Variants in DNAH7 observed in about 807,000 individuals in gnomAD.
DNAH7 encodes the protein axonemal beta dynein heavy chain 7.
Under a neutral mutation model 444.6 loss-of-function variants are expected in DNAH7, and 397 were observed. The ratio of observed to expected loss-of-function variants is 0.89; its 90% CI spans 0.82 to 0.97. DNAH7 has a LOEUF of 0.97. Among genes scored for constraint, DNAH7 ranks in the 50% least tolerant of loss-of-function variants. The pLI, the probability that DNAH7 is intolerant of heterozygous loss-of-function variation, is 0.00. For synonymous variants in DNAH7, 1,636 were observed against 1,624.4 expected (o/e 1.01, Z -0.17); for missense variants, 4,902 against 4,800.8 (o/e 1.02, Z -0.62).
At chr2:195,766,951 G>A (rs1445881310) in intron 61 of DNAH7, among the ~76,000 whole-genome samples, 2 of 151,888 alleles carry the variant, frequency 1.3e-5, no homozygotes, top group Non-Finnish European at 2.9e-5. Flanking sequence ...TTAGTTTCTG[G>A]TTACTTCTCT....
At position 195,887,093 on chromosome 2, in the gene DNAH7, T is replaced by C. The variant is rs539691376; in HGVS notation, c.5407-821A>G. Among the ~76,000 whole-genome samples, 30 of 152,246 alleles carry C rather than the reference T, an allele frequency of 2.0e-4. No individual in the cohort carries two copies. The South Asian group carries it at 5.6e-3, about 28-fold the overall frequency. On this transcript the variant is annotated intron_variant, in intron 33 of 64. Coordinates refer to ENST00000312428, the MANE Select transcript of DNAH7 (RefSeq NM_018897.3). The stretch of plus-strand genomic sequence containing the variant: ...TACAAATAAAACAGATACTTATTAC[T>C]ACATAGTAAATAACAGGCATTCCTA...
intron 57 of DNAH7, among the ~76,000 whole-genome samples, chr2:195,792,436 C>CACACAT (rs1553519819): frequency 2.2e-5 from 3 of 135,242 alleles, no homozygotes; most frequent in Non-Finnish European, 4.8e-5. Context: ...CACACACACA[C>CACACAT]ATTAAAAAAA....
At chr2:195,834,102 T>C in intron 48 of DNAH7, 104 bp downstream of exon 48, 1 of 1,177,940 alleles carries the variant, frequency 8.5e-7, no homozygotes, top group Non-Finnish European at 1.2e-6. Flanking sequence ...AGCTACTTGG[T>C]AGGCTGAGGT....
rs1051370528 is a variant in DNAH7 at position 196,068,827 on chromosome 2, C to T, written c.-116G>A. The stretch of plus-strand genomic sequence containing the variant: ...GCAGCGGTCTCAGCTCCCTCCGCAC[C>T]AGAGCCGTCTAGCGTCCGGGCAGCG... On this transcript the variant is annotated 5_prime_UTR_variant, in exon 1 of 65. Coordinates refer to ENST00000312428, the MANE Select transcript of DNAH7 (RefSeq NM_018897.3). 6.6e-6 allele frequency: 9 copies of T among 1,353,766 alleles called. No individual in the cohort carries two copies. Among genetic ancestry groups the T allele is most frequent in the Non-Finnish European group, 9.1e-6 (9 of 992,668 alleles). 83.9% of individuals were successfully genotyped at this position (1,353,766 alleles called of 1,614,324 possible).
At chr2:195,752,720 C>G (rs540083677) in intron 63 of DNAH7, among the ~76,000 whole-genome samples, 3 of 152,062 alleles carry the variant, frequency 2.0e-5, no homozygotes, top group South Asian at 4.2e-4. Flanking sequence ...GTACTGGAAA[C>G]AAAGAGAGAA....
At position 195,864,543 on chromosome 2, in the gene DNAH7, T is replaced by A. The variant is rs372659923; in HGVS notation, c.7112A>T (p.Tyr2371Phe). 95 of 1,614,066 alleles carry A rather than the reference T, an allele frequency of 5.9e-5. No homozygotes were observed. Among genetic ancestry groups the A allele is most frequent in the Non-Finnish European group, 8.0e-5 (94 of 1,180,044 alleles). The stretch of plus-strand genomic sequence containing the variant: ...ATCTTCATGCCATTCAGTAGTATCA[T>A]ACCCCTTAGAGATTTCAACTTGGAA... ...SVFQVEISKGYDTTEWHEDLK... is the reference protein window; with the variant it reads ...SVFQVEISKGFDTTEWHEDLK... Residue 2371 changes from tyrosine to phenylalanine, a missense_variant, in exon 41 of 65, where the codon TAT becomes TTT. Coordinates refer to ENST00000312428, the MANE Select transcript of DNAH7 (RefSeq NM_018897.3).
chr2:195,910,000 GTA>G (rs1347593367), intron 25 of DNAH7, 25 bp downstream of exon 25: 1 of 1,594,908 alleles, frequency 6.3e-7, no homozygotes, highest in Non-Finnish European at 8.6e-7. Flanking sequence ...TTATCCTGTT[GTA>G]AAGAAATGAG....
At chr2:195,950,851 C>CAGAA (rs1690183099) in intron 19 of DNAH7, among the ~76,000 whole-genome samples, 1 of 36,714 alleles carries the variant, frequency 2.7e-5, no homozygotes, top group African/African-American at 9.5e-5. Context: ...GACTCTGTCT[C>CAGAA]AAAAAAAAAA....
In DNAH7 at chr2:195,906,717, A is replaced by C. The variant is rs768687107; in HGVS notation, c.4277T>G (p.Val1426Gly). Residue 1426 changes from valine to glycine, a missense_variant, in exon 27 of 65, where the codon GTC becomes GGC. Coordinates refer to ENST00000312428, the MANE Select transcript of DNAH7 (RefSeq NM_018897.3). Reference sequence around the variant, plus strand: ...ATACCCAGGGTTCATTGTTATAAAGACAGCACATGTGGGGTCAAGTTTTAG... The same window carrying C: ...ATACCCAGGGTTCATTGTTATAAAGCCAGCACATGTGGGGTCAAGTTTTAG... ...TELKLDPTCA[V>G]FITMNPGYAG... 2 of 1,613,518 alleles carry C rather than the reference A, an allele frequency of 1.2e-6. No homozygotes were observed. The highest frequency in any genetic ancestry group is 2.7e-5 in the African/African-American group (2 of 75,004).
At position 195,864,430 on chromosome 2, in the gene DNAH7, G is replaced by GA; in HGVS notation, c.7224dup (p.Leu2409SerfsTer6). ...TTTAGCAGATTACTGACATCTTCCA[G>GA]AAAAGACTCTTCTTTAATTTGAGTA... is the stretch of plus-strand genomic sequence containing the variant. On this transcript the variant is annotated frameshift_variant, in exon 41 of 65. Coordinates refer to ENST00000312428, the MANE Select transcript of DNAH7 (RefSeq NM_018897.3). LOFTEE classifies it high-confidence loss of function. 1.9e-6 allele frequency: 3 copies of GA among 1,614,140 alleles called. No individual in the cohort carries two copies. Among genetic ancestry groups the GA allele is most frequent in the Non-Finnish European group, 1.7e-6 (2 of 1,180,034 alleles).
chr2:195,861,821 T>C lies in DNAH7; in HGVS notation c.7632A>G (p.Leu2544=), dbSNP rs267599138. 6.2e-7 allele frequency: 1 copy of C among 1,613,156 alleles called. No individual in the cohort carries two copies. The highest frequency in any genetic ancestry group is 8.5e-7 in the Non-Finnish European group (1 of 1,179,130). The part of the protein sequence containing the change: ...CKSFHTSTID[L]SKSFFVELQR... ...GAAGTTCAACAAAGAAAGATTTGGA[T>C]AAATCTATAGTAGAAGTGTGGAAGC... The change falls in exon 42 of 65, where the codon TTA becomes TTG. Residue 2544 remains leucine (L), a synonymous_variant. Transcript: ENST00000312428.
At chr2:195,993,377 T>C (rs1298045434) in intron 12 of DNAH7, among the ~76,000 whole-genome samples, 1 of 152,104 alleles carries the variant, frequency 6.6e-6, no homozygotes, top group Non-Finnish European at 1.5e-5. Context: ...AGCAATTAAA[T>C]TGAAATGGTG....
At chr2:195,763,497 AAGAG>A (rs1271752258) in intron 61 of DNAH7, among the ~76,000 whole-genome samples, 1 of 152,042 alleles carries the variant, frequency 6.6e-6, no homozygotes, top group Admixed American at 6.6e-5. Context: ...AAGAAAATAA[AAGAG>A]AGAAGACCCA....
chr2:195,798,145 C>T (rs1176451112), intron 55 of DNAH7, among the ~76,000 whole-genome samples: 1 of 152,084 alleles, frequency 6.6e-6, no homozygotes, highest in Non-Finnish European at 1.5e-5. Flanking sequence ...TGCCTTATAT[C>T]AATTTTTTTT....
At chr2:195,760,589 A>G (rs1410117625) in intron 61 of DNAH7, among the ~76,000 whole-genome samples, 1 of 152,050 alleles carries the variant, frequency 6.6e-6, no homozygotes, top group East Asian at 1.9e-4. Context: ...GAGAGAGTCC[A>G]TGTGTTTATG....
chr2:196,045,134 G>GAGGAGGAGGAGA (rs1331549536), intron 5 of DNAH7, among the ~76,000 whole-genome samples: 1 of 148,512 alleles, frequency 6.7e-6, no homozygotes, highest in Non-Finnish European at 1.5e-5. Flanking sequence ...AGAGGAGATG[G>GAGGAGGAGGAGA]AGGAGGAGGA....
chr2:195,793,138 T>C (rs929288243), intron 57 of DNAH7, among the ~76,000 whole-genome samples: 1 of 152,104 alleles, frequency 6.6e-6, no homozygotes, highest in African/African-American at 2.4e-5. Context: ...GGTCTCACTA[T>C]ATTGTCCAGG....
intron 34 of DNAH7, 26 bp from the exon 35 acceptor site, chr2:195,884,835 A>G: frequency 6.4e-7 from 1 of 1,565,930 alleles, no homozygotes; most frequent in African/African-American, 1.4e-5. Flanking sequence ...GAGAAGATTA[A>G]GAACAATTAA....
At chr2:196,021,889 G>C (rs1695404101) in intron 8 of DNAH7, among the ~76,000 whole-genome samples, 1 of 152,176 alleles carries the variant, frequency 6.6e-6, no homozygotes, top group Non-Finnish European at 1.5e-5. Context: ...CACTGTGGGA[G>C]GCTGAGGCAG....
Sources: gnomAD v4.1 joint callset for allele counts (sites outside exome capture counted in the v4.1 genomes callset) on GRCh38, gnomAD v4.1.1 for gene constraint, MANE v1.5 for transcripts, NCBI Gene and HGNC (gene_info 2026-07-23, HGNC 2026-07-21) for gene names.